The following PCDHGB5 variants were observed in gnomAD, a reference collection of about 807,000 sequenced individuals.
PCDHGB5 encodes protocadherin gamma subfamily B, 5.
Under a neutral mutation model 62.9 loss-of-function variants are expected in PCDHGB5, and 48 were observed. The observed-to-expected ratio is 0.76, with a 90% confidence interval of 0.61 to 0.97. The LOEUF (loss-of-function observed/expected upper bound fraction) is 0.97, where lower values mean the gene tolerates loss of function less well. Among genes scored for constraint, PCDHGB5 ranks in the 50% least tolerant of loss-of-function variants. The pLI is 0.00. For synonymous variants in PCDHGB5, 474 were observed against 511.2 expected, an observed-to-expected ratio of 0.93 and a Z score of 0.98; for missense variants, 1,118 against 1,198.6, an observed-to-expected ratio of 0.93 and a Z score of 0.99.
chr5:141,416,819 G>A (rs952251457), intron 1 of PCDHGB5: 5 of 151,982 alleles, frequency 3.3e-5, no homozygotes, highest in African/African-American at 9.7e-5. Flanking sequence ...AAAGCATTCC[G>A]AAGTTTCTCA....
chr5:141,462,372 C>A (rs2099038225), intron 1 of PCDHGB5, among the ~76,000 whole-genome samples: 1 of 152,096 alleles, frequency 6.6e-6, no homozygotes, highest in African/African-American at 2.4e-5. Flanking sequence ...AGTTTCTATT[C>A]TTTTAAATTC....
In PCDHGB5 at chr5:141,413,208, A is replaced by G. The variant is rs532127106; in HGVS notation, c.2397+12684A>G. The G allele has an allele frequency of 3.5e-5, 57 of 1,612,984 alleles. No individual in the cohort carries two copies. The African/African-American group carries it at 5.2e-4, about 15-fold the overall frequency. On this transcript the variant is annotated intron_variant, in intron 1 of 3. Coordinates refer to ENST00000617380, the MANE Select transcript of PCDHGB5 (RefSeq NM_018925.3). ...CTCAAAGGAATCGCTCAAAGGAATC[A>G]AAGGATTGCAGCGGGCTGGTCCTGC... is the stretch of plus-strand genomic sequence containing the variant.
At chr5:141,479,391 T>G (rs2099494461) in intron 1 of PCDHGB5, 1 of 152,266 alleles carries the variant, frequency 6.6e-6, no homozygotes, top group Non-Finnish European at 1.5e-5. Flanking sequence ...AGCCCAGGAG[T>G]TCTGGGCTGT....
rs1439786491 is a variant in PCDHGB5 at position 141,399,634 on chromosome 5, A to G, written c.1507A>G (p.Met503Val). 9 of 1,613,742 alleles carry G rather than the reference A, an allele frequency of 5.6e-6. No individual in the cohort carries two copies. The highest frequency in any genetic ancestry group is 1.3e-5 in the African/African-American group (1 of 74,954). The change falls in exon 1 of 4, where the codon ATG becomes GTG. Residue 503 changes from methionine (M) to valine (V), a missense_variant. Physicochemically the swap from Met to Val is conservative, Grantham distance 21. Transcript: ENST00000617380. ...EPLALASYVSMSAQSGVVFAQ... is the reference protein window; with the variant it reads ...EPLALASYVSVSAQSGVVFAQ... ...TCTGGCACTGGCCTCTTACGTGTCC[A>G]TGAGCGCGCAAAGTGGGGTGGTGTT...
At position 141,404,352 on chromosome 5, in the gene PCDHGB5, G is replaced by A. The variant is rs1378093484; in HGVS notation, c.2397+3828G>A. 1.7e-5 allele frequency: 27 copies of A among 1,613,812 alleles called. No individual in the cohort carries two copies. The South Asian group carries it at 2.9e-4, about 17-fold the overall frequency. On this transcript the variant is annotated intron_variant, in intron 1 of 3. Coordinates refer to ENST00000617380, the MANE Select transcript of PCDHGB5 (RefSeq NM_018925.3). ...GTCTACCTCCCGGAAAACAACGCCAGAGGTACTTCCATCTTCTCCGTGATT... is the reference window on the plus strand; with the variant it reads ...GTCTACCTCCCGGAAAACAACGCCAAAGGTACTTCCATCTTCTCCGTGATT...
chr5:141,481,362 A>G (rs2099536613), intron 1 of PCDHGB5, among the ~76,000 whole-genome samples: 1 of 152,252 alleles, frequency 6.6e-6, no homozygotes, highest in African/African-American at 2.4e-5. Context: ...CAGCTGTTCA[A>G]TAGATATTGG....
intron 2 of PCDHGB5, among the ~76,000 whole-genome samples, chr5:141,501,290 TACACACACACACACACACACAC>T (rs55762287): frequency 1.4e-4 from 19 of 136,248 alleles, no homozygotes; most frequent in Admixed American, 1.1e-3. Context: ...TATTCCCTTA[TACACACACACACACACACACAC>T]ACACACACAC....
At chr5:141,414,699 C>T (rs2095778847) in intron 1 of PCDHGB5, 2 of 1,613,952 alleles carry the variant, frequency 1.2e-6, no homozygotes, top group Non-Finnish European at 1.7e-6. Context: ...TGTCCTCATA[C>T]ATATCCATCA....
intron 1 of PCDHGB5, among the ~76,000 whole-genome samples, chr5:141,452,648 GCTCCATCCACTGCA>G (rs2098746292): frequency 6.6e-6 from 1 of 151,930 alleles, no homozygotes; most frequent in African/African-American, 2.4e-5. Flanking sequence ...TTACTCATTT[GCTCCATCCACTGCA>G]CTCCAGCCTA....
At chr5:141,442,309 G>C (rs1483682583) in intron 1 of PCDHGB5, 1 of 152,418 alleles carries the variant, frequency 6.6e-6, no homozygotes, top group Non-Finnish European at 1.5e-5. Flanking sequence ...TCTTTCCCAC[G>C]GATGTCTATC....
intron 1 of PCDHGB5, chr5:141,414,230 C>G (rs367888906): frequency 6.2e-7 from 1 of 1,613,190 alleles, no homozygotes; most frequent in Non-Finnish European, 8.5e-7. Flanking sequence ...CCAGAGCTGA[C>G]CATCACGTCT....
chr5:141,450,645 C>T (rs2098688869), intron 1 of PCDHGB5, among the ~76,000 whole-genome samples: 2 of 151,618 alleles, frequency 1.3e-5, no homozygotes, highest in Non-Finnish European at 2.9e-5. Context: ...TGCCACCATG[C>T]CTGGCTAATT....
At chr5:141,403,890 C>A in intron 1 of PCDHGB5, 1 of 1,613,714 alleles carries the variant, frequency 6.2e-7, no homozygotes, top group Non-Finnish European at 8.5e-7. Flanking sequence ...GAAGAATGTT[C>A]ATTTTATGAA....
At chr5:141,499,730 T>C (rs1412528402) in intron 2 of PCDHGB5, among the ~76,000 whole-genome samples, 1 of 143,912 alleles carries the variant, frequency 6.9e-6, no homozygotes, top group East Asian at 2.1e-4. Context: ...AGTCTCACTC[T>C]CTTGCCCAGG....
intron 1 of PCDHGB5, chr5:141,418,509 G>T: frequency 6.2e-7 from 1 of 1,613,986 alleles, no homozygotes; most frequent in Non-Finnish European, 8.5e-7. Flanking sequence ...GCCTTAGATG[G>T]TGGGGACCCT....
rs1243327893 is a variant in PCDHGB5, at chr5:141,491,671, C to A, written c.2398-3136C>A. 2.5e-6 allele frequency: 4 copies of A among 1,613,366 alleles called. No homozygotes were observed. Among genetic ancestry groups the A allele is most frequent in the Non-Finnish European group, 3.4e-6 (4 of 1,179,808 alleles). On this transcript the variant is annotated intron_variant, in intron 1 of 3. Coordinates refer to ENST00000617380, the MANE Select transcript of PCDHGB5 (RefSeq NM_018925.3). The surrounding 1 kb of genome is among the most constrained non-coding windows in gnomAD (Gnocchi z 6.9). Reference sequence around the variant, plus strand: ...GCTGGAGCCTGACGCCATCCGGTCCCGCTCTAATACGCTGCGGGAGCGGAG... The same window carrying A: ...GCTGGAGCCTGACGCCATCCGGTCCAGCTCTAATACGCTGCGGGAGCGGAG...
chr5:141,503,222 G>C (rs540244346), intron 2 of PCDHGB5, among the ~76,000 whole-genome samples: 1 of 152,120 alleles, frequency 6.6e-6, no homozygotes, highest in Middle Eastern at 3.4e-3. Context: ...CATGAGCACC[G>C]TAAAGATGGA....
rs779347793 is a variant in PCDHGB5, at chr5:141,399,925, C to A, written c.1798C>A (p.Leu600Met). Residue 600 changes from leucine (L) to methionine (M), a missense_variant, in exon 1 of 4, where the codon CTG becomes ATG. This residue lies in a region of PCDHGB5 where 1,034 missense variants were observed against 1,029.1 expected (regional missense o/e 1.00). Transcript: ENST00000617380. The part of the protein sequence containing the change: ...VDADSGHNAW[L>M]SYHVLQASEP... The stretch of plus-strand genomic sequence containing the variant: ...CGCAGACTCAGGACACAACGCCTGG[C>A]TGTCCTACCACGTGCTGCAGGCTAG... The A allele has an allele frequency of 1.9e-6, 3 of 1,612,364 alleles. No homozygotes were observed. Among genetic ancestry groups the A allele is most frequent in the South Asian group, 1.1e-5 (1 of 91,030 alleles).
chr5:141,430,632 C>T, intron 1 of PCDHGB5: 1 of 852,604 alleles, frequency 1.2e-6, no homozygotes, highest in Non-Finnish European at 1.7e-6. Flanking sequence ...AATGAACCAT[C>T]CCTGGGAGTA....
Sources: allele counts gnomAD v4.1 joint callset (sites outside exome capture counted in the v4.1 genomes callset), GRCh38; gene constraint gnomAD v4.1.1; regional missense constraint gnomAD v4.1.1; non-coding constraint Gnocchi (gnomAD v3.1); transcripts MANE v1.5; gene names NCBI Gene and HGNC (gene_info 2026-07-23, HGNC 2026-07-21).